AHNAK2: variants seen among roughly 807,000 people sequenced by gnomAD.
The protein encoded by AHNAK2 is protein AHNAK2.
Under a neutral mutation model 30.7 loss-of-function variants are expected in AHNAK2, and 18 were observed. The ratio of observed to expected loss-of-function variants is 0.59; its 90% CI spans 0.41 to 0.87. The LOEUF is 0.87. Ranked by LOEUF, AHNAK2 falls within the 40% of genes least tolerant of loss-of-function variation. The probability of loss-of-function intolerance (pLI) is 0.00; values close to 1 mark genes in which losing one functional copy is unlikely to be tolerated. For synonymous variants in AHNAK2, 3,590 were observed against 3,073.8 expected (o/e 1.17, Z -5.56); for missense variants, 8,604 against 7,373.0 (o/e 1.17, Z -6.11).
Position 104,954,621 on chromosome 14 carries a change from C to T in AHNAK2, c.830G>A (p.Arg277Lys). Residue 277 changes from arginine to lysine, a missense_variant, in exon 7 of 7, where the codon AGG becomes AAG. Coordinates refer to ENST00000333244, the MANE Select transcript of AHNAK2 (RefSeq NM_138420.4). The surrounding 1 kb of genome is among the most constrained non-coding windows in gnomAD (Gnocchi z 4.3). ...IKSKRGPGPQ[R>K]SHSSSEAYEP... ...GTAGGCCTCTGACGAGCTGTGTGACCTCTGGGGTCCCGGCCCCCGCTTGCT... is the reference window on the plus strand; with the variant it reads ...GTAGGCCTCTGACGAGCTGTGTGACTTCTGGGGTCCCGGCCCCCGCTTGCT... The T allele has an allele frequency of 6.2e-7, 1 of 1,612,412 alleles. No homozygotes were observed. Among genetic ancestry groups the T allele is most frequent in the Non-Finnish European group, 8.5e-7 (1 of 1,179,598 alleles).
Position 104,954,772 on chromosome 14 carries a change from C to G in AHNAK2, c.679G>C (p.Glu227Gln), listed in dbSNP as rs778842339. ...EDTDVADGCR[E>Q]TPTKTLEGDG... ...CCTTCCAGAGTTTTCGTGGGGGTCT[C>G]TCTGCACCCATCAGCAACATCCGTG... Residue 227 changes from glutamate to glutamine, a missense_variant, in exon 7 of 7, where the codon GAG becomes CAG. Glu to Gln is a conservative substitution (Grantham distance 29). Transcript: ENST00000333244. This position sits in a 1 kb window ranked among gnomAD's most constrained non-coding sequence, Gnocchi z 4.3. 6.3e-7 allele frequency: 1 copy of G among 1,585,684 alleles called. No individual in the cohort carries two copies. Among genetic ancestry groups the G allele is most frequent in the Non-Finnish European group, 8.6e-7 (1 of 1,165,848 alleles).
chr14:104,971,714 C>A (rs906554247), intron 1 of AHNAK2, among the ~76,000 whole-genome samples: 7 of 152,260 alleles, frequency 4.6e-5, no homozygotes, highest in Admixed American at 4.6e-4. Flanking sequence ...GGCCCTTAGC[C>A]CCCACTCCTC....
Position 104,950,792 on chromosome 14 carries a change from C to A in AHNAK2, c.4659G>T (p.Gln1553His). 6.3e-7 allele frequency: 1 copy of A among 1,587,130 alleles called. No homozygotes were observed. Among genetic ancestry groups the A allele is most frequent in the Non-Finnish European group, 8.6e-7 (1 of 1,162,560 alleles). ...IQPPSADLEV[Q>H]AGQVDVKLPE... ...GGAGTTTCACGTCCACTTGGCCAGC[C>A]TGGACCTCCAGGTCAGCAGAAGGGG... Residue 1553 changes from glutamine to histidine, a missense_variant, in exon 7 of 7, where the codon CAG (glutamine) becomes CAT (histidine). Physicochemically the swap from Gln to His is conservative, Grantham distance 24. Coordinates refer to ENST00000333244, the MANE Select transcript of AHNAK2 (RefSeq NM_138420.4).
intron 4 of AHNAK2, among the ~76,000 whole-genome samples, 163 bp downstream of exon 4, chr14:104,956,424 TC>T (rs1340937077): frequency 6.6e-6 from 1 of 151,950 alleles, no homozygotes; most frequent in Non-Finnish European, 1.5e-5. Context: ...CCCCTGCCCT[TC>T]CCCAGGCCTG....
Position 104,957,607 on chromosome 14 carries a change from CACTT to C in AHNAK2, c.114+3_114+6del, listed in dbSNP as rs1240710107. The C allele has an allele frequency of 1.9e-6, 3 of 1,610,256 alleles. No individual in the cohort carries two copies. The highest frequency in any genetic ancestry group is 2.5e-6 in the Non-Finnish European group (3 of 1,178,700). ...AGGAGGACACACTTCCTCCTGCTCT[CACTT>C]ACAGAGTGGTCATCTTCCGTTTCTG... On this transcript the variant is annotated splice_donor_5th_base_variant and intron_variant, in intron 2 of 6. Coordinates refer to ENST00000333244, the MANE Select transcript of AHNAK2 (RefSeq NM_138420.4).
rs149176067 is a variant in AHNAK2, at chr14:104,949,849, T to G, written c.5602A>C (p.Thr1868Pro). Reference protein sequence around the residue: ...SLPSMQGDLKTTDLCIPLPSA... With the variant: ...SLPSMQGDLKPTDLCIPLPSA... ...GGGAGCGGAATGCAGAGGTCCGTGG[T>G]CTTGAGGTCCCCCTGCATGGAGGGG... Residue 1868 changes from threonine (T) to proline (P), a missense_variant, in exon 7 of 7, where the codon ACC (threonine) becomes CCC (proline). Thr to Pro is a conservative substitution (Grantham distance 38). Coordinates refer to ENST00000333244, the MANE Select transcript of AHNAK2 (RefSeq NM_138420.4). 11 of 1,586,940 alleles carry G rather than the reference T, an allele frequency of 6.9e-6. 2 individuals are homozygous for G. The African/African-American group carries it at 1.5e-4, about 22-fold the overall frequency.
At position 104,939,976 on chromosome 14, in the gene AHNAK2, G is replaced by A. The variant is rs1230841935; in HGVS notation, c.15475C>T (p.Leu5159Phe). 1.2e-6 allele frequency: 2 copies of A among 1,612,098 alleles called. No homozygotes were observed. Among genetic ancestry groups the A allele is most frequent in the South Asian group, 1.1e-5 (1 of 91,088 alleles). Reference protein sequence around the residue: ...EGIAPTPEDPLQPSCRKPDAE... With the variant: ...EGIAPTPEDPFQPSCRKPDAE... ...TCTGGTTTTCTACAGGATGGCTGGA[G>A]GGGATCTTCAGGTGTGGGGGCTATC... Residue 5159 changes from leucine to phenylalanine, a missense_variant, in exon 7 of 7, where the codon CTC becomes TTC. By Grantham distance (22) the Leu-to-Phe change is conservative. Coordinates refer to ENST00000333244, the MANE Select transcript of AHNAK2 (RefSeq NM_138420.4).
At chr14:104,968,808 C>T (rs1444927297) in intron 1 of AHNAK2, among the ~76,000 whole-genome samples, 2 of 152,180 alleles carry the variant, frequency 1.3e-5, no homozygotes, top group East Asian at 1.9e-4. Flanking sequence ...ACAGGATGTA[C>T]GTGCTCAGGT....
At position 104,948,363 on chromosome 14, in the gene AHNAK2, G is replaced by C. The variant is rs1251208159; in HGVS notation, c.7088C>G (p.Thr2363Ser). The change falls in exon 7 of 7, where the codon ACC (threonine) becomes AGC (serine). Residue 2363 changes from threonine to serine, a missense_variant. Physicochemically the swap from Thr to Ser is moderately conservative, Grantham distance 58 (BLOSUM62 1). Coordinates refer to ENST00000333244, the MANE Select transcript of AHNAK2 (RefSeq NM_138420.4). The stretch of plus-strand genomic sequence containing the variant: ...AGGGGGCTGAACGCTGAGGTCAGTG[G>C]TCTTGAGGTCCCCCTGCATGGAGGG... ...SLPSMQGDLK[T>S]TDLSVQPPSA... 2 of 1,612,804 alleles carry C rather than the reference G, an allele frequency of 1.2e-6. No individual in the cohort carries two copies. The highest frequency in any genetic ancestry group is 1.7e-6 in the Non-Finnish European group (2 of 1,179,614).
In AHNAK2 at chr14:104,954,195, A is replaced by G. The variant is rs1898896771; in HGVS notation, c.1256T>C (p.Leu419Pro). ...PQEGGLRAAR[L>P]HGKTLEGQAQ... is the part of the protein sequence containing the mutation. ...CTGCCCCTCCAGGGTCTTTCCATGG[A>G]GCCTGGCTGCCCTGAGTCCCCCTTC... is the stretch of plus-strand genomic sequence containing the variant. The change falls in exon 7 of 7, where the codon CTC (leucine) becomes CCC (proline). Residue 419 changes from leucine (L) to proline (P), a missense_variant. Physicochemically the swap from Leu to Pro is moderately conservative, Grantham distance 98. Coordinates refer to ENST00000333244, the MANE Select transcript of AHNAK2 (RefSeq NM_138420.4). This position sits in a 1 kb window ranked among gnomAD's most constrained non-coding sequence, Gnocchi z 4.3. 1.2e-6 allele frequency: 2 copies of G among 1,609,916 alleles called. No homozygotes were observed. Among genetic ancestry groups the G allele is most frequent in the African/African-American group, 1.3e-5 (1 of 74,808 alleles).
At position 104,951,120 on chromosome 14, in the gene AHNAK2, T is replaced by C. The variant is rs777157935; in HGVS notation, c.4331A>G (p.Lys1444Arg). ...KGPKLDLKDPKVEVTAPDVEV... is the reference protein window; with the variant it reads ...KGPKLDLKDPRVEVTAPDVEV... ...CACATCAGGGGCTGTCACTTCCACC[T>C]TGGGGTCTTTTAGGTCCAGCTTGGG... Residue 1444 changes from lysine (K) to arginine (R), a missense_variant, in exon 7 of 7, where the codon AAG (lysine) becomes AGG (arginine). Coordinates refer to ENST00000333244, the MANE Select transcript of AHNAK2 (RefSeq NM_138420.4). The C allele has an allele frequency of 8.4e-6, 9 of 1,067,546 alleles. 3 individuals are homozygous for C. The South Asian group carries it at 1.1e-4, about 13-fold the overall frequency. 66.1% of individuals were successfully genotyped at this position (1,067,546 alleles called of 1,614,324 possible). A position where few individuals can be genotyped will look rare whatever the true frequency, so the allele number is the denominator to read the frequency against.
rs747957518 is a variant in AHNAK2, at chr14:104,947,805, A to C, written c.7646T>G (p.Val2549Gly). Residue 2549 changes from valine (V) to glycine (G), a missense_variant, in exon 7 of 7, where the codon GTG (valine) becomes GGG (glycine). By Grantham distance (109) the Val-to-Gly change is moderately radical (BLOSUM62 -3). Coordinates refer to ENST00000333244, the MANE Select transcript of AHNAK2 (RefSeq NM_138420.4). ...CGGCACAGGGCCCTCTGGGAGTTTC[A>C]CGTCCACTTGGCCAGCCTGGACCTC... ...DLEVQAGQVDVKLPEGPVPEG... is the reference protein window; with the variant it reads ...DLEVQAGQVDGKLPEGPVPEG... 2 of 1,612,210 alleles carry C rather than the reference A, an allele frequency of 1.2e-6. No individual in the cohort carries two copies. The highest frequency in any genetic ancestry group is 1.7e-6 in the Non-Finnish European group (2 of 1,179,518).
In AHNAK2 at chr14:104,970,778, C is replaced by T. The variant is rs2140883289; in HGVS notation, c.55+7405G>A. ...AGACCGCTCTGAGTCACACAGCCAGCCCAGTCTGGTGAGTGCCTTAGTGTG... is the reference window on the plus strand; with the variant it reads ...AGACCGCTCTGAGTCACACAGCCAGTCCAGTCTGGTGAGTGCCTTAGTGTG... On this transcript the variant is annotated intron_variant, in intron 1 of 6. Transcript: ENST00000333244. Among the ~76,000 whole-genome samples the T allele has an allele frequency of 2.0e-5, 3 of 152,360 alleles. No homozygotes were observed. In the Middle Eastern group the frequency reaches 0.01, roughly 518 times the overall value.
Position 104,957,682 on chromosome 14 carries a change from G to A in AHNAK2, c.56-10C>T, listed in dbSNP as rs369942257. ...AGCTGACGGCCGGACACTGCAGAGA[G>A]AGTGGCTGTCAGTGGAGACAAGCAG... On this transcript the variant is annotated splice_polypyrimidine_tract_variant and intron_variant, in intron 1 of 6. Transcript: ENST00000333244. 62 of 1,607,842 alleles carry A rather than the reference G, an allele frequency of 3.9e-5. No individual in the cohort carries two copies. Among genetic ancestry groups the A allele is most frequent in the Non-Finnish European group, 5.2e-5 (61 of 1,177,900 alleles).
In AHNAK2 at chr14:104,947,791, C is replaced by A; in HGVS notation, c.7660G>T (p.Gly2554Cys). 4 of 1,612,676 alleles carry A rather than the reference C, an allele frequency of 2.5e-6. No homozygotes were observed. Among genetic ancestry groups the A allele is most frequent in the Non-Finnish European group, 3.4e-6 (4 of 1,179,576 alleles). The change falls in exon 7 of 7, where the codon GGC (glycine) becomes TGC (cysteine). Residue 2554 changes from glycine to cysteine, a missense_variant. By Grantham distance (159) the Gly-to-Cys change is radical. Transcript: ENST00000333244. The part of the protein sequence containing the change: ...AGQVDVKLPE[G>C]PVPEGAGLKG... ...AGGCCGGCTCCCTCCGGCACAGGGC[C>A]CTCTGGGAGTTTCACGTCCACTTGG...
chr14:104,940,784 A>AC lies in AHNAK2; in HGVS notation c.14666dup (p.Ala4890CysfsTer8), dbSNP rs1467005566. ...GGCTAAGAGGAGACATGACTGGGGC[A>AC]CCCACTGCTGCATGTAGGTCTCCCT... On this transcript the variant is annotated frameshift_variant, in exon 7 of 7. Coordinates refer to ENST00000333244, the MANE Select transcript of AHNAK2 (RefSeq NM_138420.4). LOFTEE classifies it low-confidence loss of function (END_TRUNC). This position sits in a 1 kb window ranked among gnomAD's most constrained non-coding sequence, Gnocchi z 4.4. The AC allele has an allele frequency of 1.9e-6, 3 of 1,612,874 alleles. No homozygotes were observed. The African/African-American group carries it at 4.0e-5, about 22-fold the overall frequency.
chr14:104,947,307 T>G lies in AHNAK2; in HGVS notation c.8144A>C (p.Lys2715Thr). Residue 2715 changes from lysine (K) to threonine (T), a missense_variant, in exon 7 of 7, where the codon AAA (lysine) becomes ACA (threonine). By Grantham distance (78) the Lys-to-Thr change is moderately conservative. Coordinates refer to ENST00000333244, the MANE Select transcript of AHNAK2 (RefSeq NM_138420.4). ...CTCGGGAACGTGGCCCTCTGGGAGT[T>G]TCACATCCACCTGGCCAGCCTGGAC... Reference protein sequence around the residue: ...LEVQAGQVDVKLPEGHVPEGA... With the variant: ...LEVQAGQVDVTLPEGHVPEGA... The G allele has an allele frequency of 6.2e-7, 1 of 1,611,258 alleles. No homozygotes were observed. Among genetic ancestry groups the G allele is most frequent in the Non-Finnish European group, 8.5e-7 (1 of 1,179,230 alleles).
intron 1 of AHNAK2, among the ~76,000 whole-genome samples, chr14:104,974,745 C>T (rs1228260754): frequency 6.6e-6 from 1 of 152,214 alleles, no homozygotes; most frequent in African/African-American, 2.4e-5. Flanking sequence ...CGGGGAAGCA[C>T]CCCCACAACT....
At position 104,956,595 on chromosome 14, in the gene AHNAK2, C is replaced by T. The variant is rs199939186; in HGVS notation, c.308G>A (p.Arg103His). 42 of 1,613,714 alleles carry T rather than the reference C, an allele frequency of 2.6e-5. No individual in the cohort carries two copies. Among genetic ancestry groups the T allele is most frequent in the East Asian group, 1.1e-4 (5 of 44,902 alleles). ...AGCTCCTGCTGTACCCACCTCTGGACGACTCATCCTGAAAAATGTCCGTGA... is the reference window on the plus strand; with the variant it reads ...AGCTCCTGCTGTACCCACCTCTGGATGACTCATCCTGAAAAATGTCCGTGA... The part of the protein sequence containing the change: ...GDSRTFFRMS[R>H]PEAVQEATEV... The change falls in exon 4 of 7, where the codon CGT becomes CAT. Residue 103 changes from arginine (R) to histidine (H), a missense_variant. Transcript: ENST00000333244.
Sources: gnomAD v4.1 joint callset for allele counts (sites outside exome capture counted in the v4.1 genomes callset) on GRCh38, gnomAD v4.1.1 for gene constraint, Gnocchi (gnomAD v3.1) non-coding constraint, MANE v1.5 for transcripts, NCBI Gene and HGNC (gene_info 2026-07-23, HGNC 2026-07-21) for gene names.